CGNL1: variants seen among roughly 807,000 people sequenced by gnomAD.
CGNL1 encodes the protein cingulin like 1.
Under a neutral mutation model 141.2 loss-of-function variants are expected in CGNL1, and 132 were observed. That is an observed-to-expected ratio of 0.93 (90% CI 0.81 to 1.08). The LOEUF is 1.08. Ranked by LOEUF, CGNL1 falls within the 50% of genes least tolerant of loss-of-function variation. The pLI, the probability that CGNL1 is intolerant of heterozygous loss-of-function variation, is 0.00. For synonymous variants in CGNL1, 690 were observed against 622.1 expected (o/e 1.11, Z -1.63); for missense variants, 1,870 against 1,588.6 (o/e 1.18, Z -3.01).
In CGNL1 at chr15:57,525,597, C is replaced by G. The variant is rs1265553515; in HGVS notation, c.3039+846C>G. ...ACTTCATAAATATTAATTTCCTTTT[C>G]TTTAATTTTAGGGGCTTATTTTTCA... On this transcript the variant is annotated intron_variant, in intron 12 of 18. Coordinates refer to ENST00000281282, the MANE Select transcript of CGNL1 (RefSeq NM_032866.5). 3.3e-5 allele frequency among the ~76,000 whole-genome samples: 5 copies of G among 152,154 alleles called. No homozygotes were observed. The East Asian group carries it at 7.7e-4, about 23-fold the overall frequency.
intron 8 of CGNL1, among the ~76,000 whole-genome samples, chr15:57,491,158 A>T (rs561034484): frequency 1.3e-5 from 2 of 152,330 alleles, no homozygotes; most frequent in South Asian, 4.1e-4. Flanking sequence ...GGATTAGTTC[A>T]TTCATTATGA....
At chr15:57,447,470 A>G (rs571455441) in intron 4 of CGNL1, among the ~76,000 whole-genome samples, 2 of 152,222 alleles carry the variant, frequency 1.3e-5, no homozygotes, top group Non-Finnish European at 2.9e-5. Flanking sequence ...AGTTGGCTCC[A>G]TTGGAAAGCC....
At chr15:57,540,835 G>A (rs555483376) in intron 14 of CGNL1, among the ~76,000 whole-genome samples, 65 of 152,342 alleles carry the variant, frequency 4.3e-4, no homozygotes, top group Middle Eastern at 3.4e-3. Flanking sequence ...TTTGAACAGC[G>A]AACAAACCCA....
At chr15:57,510,053 A>G (rs1443748765) in intron 8 of CGNL1, among the ~76,000 whole-genome samples, 1 of 152,166 alleles carries the variant, frequency 6.6e-6, no homozygotes, top group Non-Finnish European at 1.5e-5. Context: ...GAAGATCTCA[A>G]TTCTCTGTTT....
intron 1 of CGNL1, among the ~76,000 whole-genome samples, chr15:57,402,232 A>T (rs2062668258): frequency 6.6e-6 from 1 of 152,118 alleles, no homozygotes; most frequent in Non-Finnish European, 1.5e-5. Context: ...ATTTCATGTG[A>T]GAGCTGGTTG....
At chr15:57,527,345 C>A (rs1239943049) in intron 12 of CGNL1, 1 of 152,256 alleles carries the variant, frequency 6.6e-6, no homozygotes. Context: ...CTTTCCAACT[C>A]TTCTGTGCCA....
chr15:57,426,516 G>C (rs2062976512), intron 1 of CGNL1, among the ~76,000 whole-genome samples: 1 of 150,972 alleles, frequency 6.6e-6, no homozygotes, highest in Non-Finnish European at 1.5e-5. Context: ...GTGCAATCAT[G>C]GCTCACTGCA....
chr15:57,499,012 A>T (rs1311429927), intron 8 of CGNL1, among the ~76,000 whole-genome samples: 1 of 152,128 alleles, frequency 6.6e-6, no homozygotes, highest in Non-Finnish European at 1.5e-5. Context: ...CATTTGGTGG[A>T]GGGTGACATG....
chr15:57,542,415 T>C lies in CGNL1; in HGVS notation c.3292-1281T>C, dbSNP rs147103986. Among the ~76,000 whole-genome samples, 159 of 152,292 alleles carry C rather than the reference T, an allele frequency of 1.0e-3. 1 individual carries two copies. The highest frequency in any genetic ancestry group is 3.7e-3 in the African/African-American group (155 of 41,548). ...CTGCTGGACAGTTCTGGCAACAGGG[T>C]CTGGAGCCTCCGCCTCATAACTCAT... On this transcript the variant is annotated intron_variant, in intron 14 of 18. Coordinates refer to ENST00000281282, the MANE Select transcript of CGNL1 (RefSeq NM_032866.5).
rs537371193 is a variant in CGNL1 at position 57,497,786 on chromosome 15, C to T, written c.2404-18994C>T. 4.6e-5 allele frequency among the ~76,000 whole-genome samples: 7 copies of T among 152,348 alleles called. 1 individual carries two copies. The South Asian group carries it at 1.4e-3, about 32-fold the overall frequency. On this transcript the variant is annotated intron_variant, in intron 8 of 18. Transcript: ENST00000281282. ...GCTGTGCAGCAGAGATGCGGGCTTG[C>T]ACCCATGCACACACGGGCGGCGGCC...
intron 7 of CGNL1, among the ~76,000 whole-genome samples, chr15:57,454,973 G>C (rs1291593214): frequency 1.3e-5 from 2 of 152,006 alleles, no homozygotes; most frequent in Non-Finnish European, 2.9e-5. Flanking sequence ...TATAATCTCT[G>C]TTTGCCTCCC....
At chr15:57,471,283 A>T (rs878879477) in intron 8 of CGNL1, among the ~76,000 whole-genome samples, 1 of 152,192 alleles carries the variant, frequency 6.6e-6, no homozygotes, top group Non-Finnish European at 1.5e-5. Context: ...AGCAGCTGCT[A>T]TTCTGTAGAG....
rs78487514 is a variant in CGNL1, at chr15:57,544,562, C to T, written c.3465C>T (p.Ile1155=). Residue 1155 remains isoleucine, a synonymous_variant, in exon 16 of 19, where the codon ATC becomes ATT. Coordinates refer to ENST00000281282, the MANE Select transcript of CGNL1 (RefSeq NM_032866.5). The part of the protein sequence containing the change: ...EGLVVQMEAR[I]AELEDRLESE... ...TGGTTGTGCAGATGGAGGCCAGGAT[C>T]GCGGAGCTGGAGGACCGCCTGGAGA... 2.3e-3 allele frequency: 3,699 copies of T among 1,602,448 alleles called. 85 individuals are homozygous for T. In the East Asian group the frequency reaches 0.046, roughly 20 times the overall value.
rs762039273 is a variant in CGNL1 at position 57,439,568 on chromosome 15, C to T, written c.1569C>T (p.Ser523=). 3.7e-6 allele frequency: 6 copies of T among 1,613,708 alleles called. No homozygotes were observed. Among genetic ancestry groups the T allele is most frequent in the Admixed American group, 1.7e-5 (1 of 60,006 alleles). ...CTGATTCTGGTGCCAAGAAAATTTCCGTGAAGACATTTCCTTCGGCCTCAA... is the reference window on the plus strand; with the variant it reads ...CTGATTCTGGTGCCAAGAAAATTTCTGTGAAGACATTTCCTTCGGCCTCAA... ...TSPDSGAKKI[S]VKTFPSASNT... is the part of the protein sequence containing the mutation. Residue 523 remains serine, a synonymous_variant, in exon 2 of 19, where the codon TCC becomes TCT. Transcript: ENST00000281282.
chr15:57,483,548 AGG>A lies in CGNL1; in HGVS notation c.2403+21658_2403+21659del, dbSNP rs2063752831. ...ATAGACAATCATGTCATCTGCAAAC[AGG>A]GACAGTTTTATTTCTTGCTTTCTGA... On this transcript the variant is annotated intron_variant, in intron 8 of 18. Coordinates refer to ENST00000281282, the MANE Select transcript of CGNL1 (RefSeq NM_032866.5). 2.0e-5 allele frequency among the ~76,000 whole-genome samples: 3 copies of A among 150,536 alleles called. No homozygotes were observed. The South Asian group carries it at 6.3e-4, about 32-fold the overall frequency.
chr15:57,486,503 T>C (rs1435792232), intron 8 of CGNL1, among the ~76,000 whole-genome samples: 2 of 152,208 alleles, frequency 1.3e-5, no homozygotes, highest in African/African-American at 2.4e-5. Context: ...CTCACATGAG[T>C]CCGTCCAGTC....
At chr15:57,459,474 C>G (rs533589560) in intron 7 of CGNL1, among the ~76,000 whole-genome samples, 33 of 152,228 alleles carry the variant, frequency 2.2e-4, no homozygotes, top group Non-Finnish European at 4.3e-4. Flanking sequence ...AGGAAGACCT[C>G]TTGGAGGAGG....
chr15:57,394,279 A>C (rs1427349304), intron 1 of CGNL1, among the ~76,000 whole-genome samples: 1 of 151,582 alleles, frequency 6.6e-6, no homozygotes, highest in African/African-American at 2.4e-5. Flanking sequence ...ATGTGCCATC[A>C]AGCCCAGCTA....
chr15:57,436,150 T>C (rs988145220), intron 1 of CGNL1, among the ~76,000 whole-genome samples: 2 of 152,214 alleles, frequency 1.3e-5, no homozygotes, highest in Non-Finnish European at 2.9e-5. Flanking sequence ...AACTGTTTAC[T>C]GCCTTTCTAA....
Sources: gnomAD v4.1 joint callset for allele counts (sites outside exome capture counted in the v4.1 genomes callset) on GRCh38, gnomAD v4.1.1 for gene constraint, MANE v1.5 for transcripts, NCBI Gene and HGNC (gene_info 2026-07-23, HGNC 2026-07-21) for gene names.